Variants in QTMAN observed in about 807,000 individuals in gnomAD.
The protein encoded by QTMAN is queuosine-tRNA mannosyltransferase, also known as tRNA-queuosine alpha-mannosyltransferase.
At chr2:143,943,060 T>C in the QTMAN span, 3 of 152,230 alleles carry the variant, frequency 2.0e-5, no homozygotes. Flanking sequence ...CTTTCCCTAC[T>C]TCTATGTCCT....
chr2:144,068,537 C>T, the QTMAN span, among the ~76,000 whole-genome samples: 1 of 152,168 alleles, frequency 6.6e-6, no homozygotes. Context: ...CAATTTTAAT[C>T]TGTAGTCCAA....
At chr2:144,051,628 C>A in the QTMAN span, among the ~76,000 whole-genome samples, 1 of 152,088 alleles carries the variant, frequency 6.6e-6, no homozygotes, top group Non-Finnish European at 1.5e-5. Flanking sequence ...TCCTGATAAT[C>A]CAGTTGATGA....
the QTMAN span, among the ~76,000 whole-genome samples, chr2:144,196,351 T>A: frequency 6.6e-6 from 1 of 151,950 alleles, no homozygotes; most frequent in Non-Finnish European, 1.5e-5. Context: ...CAAAAACTAA[T>A]TCACATTCTT....
At chr2:144,154,305 G>A in the QTMAN span, among the ~76,000 whole-genome samples, 1 of 152,130 alleles carries the variant, frequency 6.6e-6, no homozygotes, top group Non-Finnish European at 1.5e-5. Context: ...ATAACATGCA[G>A]GAGCGAGCCT....
At chr2:144,272,347 G>GA in the QTMAN span, among the ~76,000 whole-genome samples, 1 of 151,970 alleles carries the variant, frequency 6.6e-6, no homozygotes, top group East Asian at 1.9e-4. Context: ...ATTTAGGTTT[G>GA]AAAAAAATAC....
At chr2:144,291,207 CA>C in the QTMAN span, among the ~76,000 whole-genome samples, 2 of 152,150 alleles carry the variant, frequency 1.3e-5, no homozygotes, top group Admixed American at 1.3e-4. Flanking sequence ...TGATTATCTC[CA>C]AAACTAAGTT....
At chr2:144,013,126 TAA>T in the QTMAN span, among the ~76,000 whole-genome samples, 1 of 152,176 alleles carries the variant, frequency 6.6e-6, no homozygotes, top group Admixed American at 6.5e-5. Flanking sequence ...CTAAGTTAAA[TAA>T]AGTTAAACAT....
chr2:144,224,567 C>T, the QTMAN span, among the ~76,000 whole-genome samples: 1 of 152,072 alleles, frequency 6.6e-6, no homozygotes, highest in Non-Finnish European at 1.5e-5. Context: ...CTACTGAGGG[C>T]TGGTGTGAGG....
chr2:144,152,194 G>A, the QTMAN span, among the ~76,000 whole-genome samples: 11 of 152,164 alleles, frequency 7.2e-5, no homozygotes, highest in Admixed American at 1.3e-4. Context: ...ATACAAAAAA[G>A]CACTATATAC....
At chr2:144,082,471 G>A in the QTMAN span, among the ~76,000 whole-genome samples, 37 of 151,960 alleles carry the variant, frequency 2.4e-4, no homozygotes, top group South Asian at 7.1e-3. Context: ...GGGGGAAGGG[G>A]GTGTATACCA....
At chr2:144,332,441 C>T in the QTMAN span, 1 of 146,546 alleles carries the variant, frequency 6.8e-6, no homozygotes, top group Non-Finnish European at 1.5e-5. Flanking sequence ...CTACTCACCT[C>T]CTCCTCCTCC....
chr2:144,044,032 G>T, the QTMAN span, among the ~76,000 whole-genome samples: 9 of 152,150 alleles, frequency 5.9e-5, no homozygotes, highest in Non-Finnish European at 8.8e-5. Context: ...TCAAAAGAAA[G>T]GTGTACACTT....
chr2:144,146,339 T>TA, the QTMAN span, among the ~76,000 whole-genome samples: 1 of 151,188 alleles, frequency 6.6e-6, no homozygotes, highest in East Asian at 1.9e-4. Flanking sequence ...ACTGGACTGC[T>TA]AATGGTACCA....
At chr2:144,160,574 A>G in the QTMAN span, among the ~76,000 whole-genome samples, 1 of 152,136 alleles carries the variant, frequency 6.6e-6, no homozygotes, top group Non-Finnish European at 1.5e-5. Flanking sequence ...GAAAATGTGG[A>G]AAGAAAACAT....
At chr2:144,131,247 C>A in the QTMAN span, among the ~76,000 whole-genome samples, 1 of 151,802 alleles carries the variant, frequency 6.6e-6, no homozygotes, top group Non-Finnish European at 1.5e-5. Context: ...ATCTTTATAT[C>A]AGCAAATCTG....
At chr2:144,147,383 C>G in the QTMAN span, among the ~76,000 whole-genome samples, 1 of 151,762 alleles carries the variant, frequency 6.6e-6, no homozygotes, top group African/African-American at 2.4e-5. Context: ...ATTCCCCACA[C>G]CACTACCACA....
the QTMAN span, among the ~76,000 whole-genome samples, chr2:144,044,431 C>T: frequency 6.6e-6 from 1 of 152,014 alleles, no homozygotes; most frequent in Non-Finnish European, 1.5e-5. Context: ...AGTTGCAAAT[C>T]TTATTTGAGG....
At chr2:143,966,472 A>C in the QTMAN span, among the ~76,000 whole-genome samples, 1 of 152,234 alleles carries the variant, frequency 6.6e-6, no homozygotes, top group Non-Finnish European at 1.5e-5. Flanking sequence ...CTAAATGTTC[A>C]ACAGTGCCTG....
chr2:144,092,902 T>TGTGTGTGTGC, the QTMAN span, among the ~76,000 whole-genome samples: 1 of 151,168 alleles, frequency 6.6e-6, no homozygotes, highest in African/African-American at 2.4e-5. Context: ...TGTGTGTGTG[T>TGTGTGTGTGC]GTGTGTGTAG....
Sources: gnomAD v4.1 joint callset for allele counts (sites outside exome capture counted in the v4.1 genomes callset) on GRCh38, gnomAD v4.1.1 for gene constraint, MANE v1.5 for transcripts, NCBI Gene and HGNC (gene_info 2026-07-23, HGNC 2026-07-21) for gene names.